Variants in GLDN observed in about 807,000 individuals in gnomAD.
GLDN encodes the protein gliomedin.
Under a neutral mutation model 56.5 loss-of-function variants are expected in GLDN, and 47 were observed. The observed-to-expected ratio is 0.83, with a 90% confidence interval of 0.66 to 1.06. The LOEUF (loss-of-function observed/expected upper bound fraction) is 1.06. Ranked by LOEUF, GLDN falls within the 50% of genes least tolerant of loss-of-function variation. The probability of loss-of-function intolerance (pLI) is 0.00; values close to 1 mark genes in which losing one functional copy is unlikely to be tolerated. For missense variants in GLDN, 782 were observed against 714.3 expected (o/e 1.09, Z -1.08); for synonymous variants, 332 against 278.8 (o/e 1.19, Z -1.90).
rs1412227116 is a variant in GLDN at position 51,397,599 on chromosome 15, G to A, written c.817+1G>A. 2.5e-6 allele frequency: 4 copies of A among 1,585,854 alleles called. No homozygotes were observed. Among genetic ancestry groups the A allele is most frequent in the Middle Eastern group, 1.7e-4 (1 of 5,970 alleles). On this transcript the variant is annotated splice_donor_variant, in intron 6 of 9. Coordinates refer to ENST00000335449, the MANE Select transcript of GLDN (RefSeq NM_181789.4). LOFTEE classifies it high-confidence loss of function. ...AGCATGTTCAACGGCCAGTGCCCAGGTCACCACCTCTCCCCTACGGGGCCC... is the reference window on the plus strand; with the variant it reads ...AGCATGTTCAACGGCCAGTGCCCAGATCACCACCTCTCCCCTACGGGGCCC...
intron 2 of GLDN, among the ~76,000 whole-genome samples, chr15:51,382,230 C>T (rs1319331385): frequency 3.3e-4 from 50 of 152,148 alleles, no homozygotes; most frequent in Non-Finnish European, 8.8e-5. Context: ...GCCCACACTT[C>T]CCCAGTACCC....
At chr15:51,400,578 T>C in intron 8 of GLDN, 80 bp downstream of exon 8, 1 of 1,440,342 alleles carries the variant, frequency 6.9e-7, no homozygotes, top group Non-Finnish European at 9.5e-7. Context: ...GCGTATTCCA[T>C]TTGTGTGTGT....
chr15:51,399,584 T>C (rs2141130173), intron 6 of GLDN, among the ~76,000 whole-genome samples: 1 of 152,296 alleles, frequency 6.6e-6, no homozygotes, highest in Admixed American at 6.5e-5. Flanking sequence ...CAAGGACCTG[T>C]GTTTCTCTAG....
intron 1 of GLDN, among the ~76,000 whole-genome samples, chr15:51,359,714 T>C (rs28845589): frequency 0.037 from 5,601 of 152,154 alleles, 342 homozygotes; most frequent in African/African-American, 0.13. Flanking sequence ...CGGTGGCTCA[T>C]GCCTGTAATC....
intron 1 of GLDN, among the ~76,000 whole-genome samples, chr15:51,353,401 A>G (rs1660055580): frequency 1.3e-5 from 2 of 152,212 alleles, no homozygotes; most frequent in Admixed American, 1.3e-4. Context: ...CTCTATCTGC[A>G]CAGCAGGCAA....
chr15:51,355,525 C>CTT (rs147021073), intron 1 of GLDN, among the ~76,000 whole-genome samples: 10 of 126,432 alleles, frequency 7.9e-5, no homozygotes, highest in South Asian at 2.8e-4. Flanking sequence ...TTCTTTCTTT[C>CTT]TTTTTTTTTT....
chr15:51,389,808 G>A (rs2037976907), intron 4 of GLDN, among the ~76,000 whole-genome samples: 1 of 152,164 alleles, frequency 6.6e-6, no homozygotes. Flanking sequence ...GGCTACCCCT[G>A]GGTACTAGTG....
At chr15:51,393,042 T>C (rs2038054827) in intron 4 of GLDN, among the ~76,000 whole-genome samples, 2 of 152,230 alleles carry the variant, frequency 1.3e-5, no homozygotes, top group Admixed American at 1.3e-4. Context: ...CCATTAAGGA[T>C]GATGTTAGCT....
At chr15:51,393,463 T>G (rs1243887172) in intron 4 of GLDN, among the ~76,000 whole-genome samples, 5 of 152,242 alleles carry the variant, frequency 3.3e-5, no homozygotes, top group African/African-American at 1.2e-4. Flanking sequence ...GACTTTTTCC[T>G]GTGTGAGCCC....
chr15:51,355,131 T>A (rs1434531769), intron 1 of GLDN, among the ~76,000 whole-genome samples: 1 of 152,160 alleles, frequency 6.6e-6, no homozygotes, highest in Admixed American at 6.5e-5. Flanking sequence ...GTCCACAGAA[T>A]AAAGTGAAAG....
At chr15:51,354,674 GGA>G (rs1465786783) in intron 1 of GLDN, among the ~76,000 whole-genome samples, 2 of 152,194 alleles carry the variant, frequency 1.3e-5, no homozygotes, top group Non-Finnish European at 2.9e-5. Flanking sequence ...TTCCTGTACT[GGA>G]GAGTTTGGAG....
chr15:51,388,483 A>C (rs1282203904), intron 4 of GLDN, among the ~76,000 whole-genome samples: 1 of 151,856 alleles, frequency 6.6e-6, no homozygotes, highest in African/African-American at 2.4e-5. Context: ...AAATTACCCC[A>C]TAGGGACTAT....
chr15:51,341,830 G>T lies in GLDN; in HGVS notation c.146G>T (p.Arg49Leu), dbSNP rs1054992101. ...CQWRGLSSAL[R>L]ALEAQRGREQ... Reference sequence around the variant, plus strand: ...TGGCGCGGGCTGAGCTCGGCGCTGCGGGCTTTGGAGGCGCAGCGGGGCCGG... The same window carrying T: ...TGGCGCGGGCTGAGCTCGGCGCTGCTGGCTTTGGAGGCGCAGCGGGGCCGG... The change falls in exon 1 of 10, where the codon CGG (arginine) becomes CTG (leucine). Residue 49 changes from arginine (R) to leucine (L), a missense_variant. By Grantham distance (102) the Arg-to-Leu change is moderately radical. Coordinates refer to ENST00000335449, the MANE Select transcript of GLDN (RefSeq NM_181789.4). The T allele has an allele frequency of 1.3e-6, 2 of 1,517,924 alleles. No homozygotes were observed. Among genetic ancestry groups the T allele is most frequent in the South Asian group, 1.2e-5 (1 of 82,492 alleles). 94.0% of individuals were successfully genotyped at this position (1,517,924 alleles called of 1,614,324 possible).
rs1316534752 is a variant in GLDN, at chr15:51,404,325, CT to C, written c.1229del (p.Leu410CysfsTer18). On this transcript the variant is annotated frameshift_variant, in exon 10 of 10. Coordinates refer to ENST00000335449, the MANE Select transcript of GLDN (RefSeq NM_181789.4). LOFTEE classifies it high-confidence loss of function. ...CCCAAACTCTGAAGCTTGAAAATGC[CT>C]TGTATTTTGATCGAAAATACCTTTT... ...TSQTLKLENALYFDRKYLFAN... is the reference protein window; with the variant it reads ...TSQTLKLENAXYFDRKYLFAN... 6.2e-7 allele frequency: 1 copy of C among 1,611,662 alleles called. No individual in the cohort carries two copies. The highest frequency in any genetic ancestry group is 8.5e-7 in the Non-Finnish European group (1 of 1,179,192).
intron 1 of GLDN, among the ~76,000 whole-genome samples, chr15:51,347,209 A>G (rs1014169375): frequency 7.3e-5 from 11 of 151,400 alleles, no homozygotes; most frequent in Non-Finnish European, 1.5e-4. Context: ...TCCAACAGGA[A>G]AATGAGACAG....
intron 6 of GLDN, among the ~76,000 whole-genome samples, chr15:51,398,747 G>A (rs898008573): frequency 7.9e-5 from 12 of 152,282 alleles, no homozygotes; most frequent in Middle Eastern, 3.4e-3. Flanking sequence ...CTGGGCTGCC[G>A]TGCAGTGCCT....
intron 4 of GLDN, among the ~76,000 whole-genome samples, chr15:51,389,086 C>A (rs2037961719): frequency 6.6e-6 from 1 of 152,196 alleles, no homozygotes; most frequent in African/African-American, 2.4e-5. Flanking sequence ...TTGCCTTTAC[C>A]CCTTACTGGC....
intron 1 of GLDN, among the ~76,000 whole-genome samples, chr15:51,351,637 C>T (rs1237395678): frequency 6.6e-6 from 1 of 152,224 alleles, no homozygotes; most frequent in African/African-American, 2.4e-5. Context: ...CTATGGCAGT[C>T]ACAGGCTCAC....
At chr15:51,394,724 T>C (rs2141121320) in intron 4 of GLDN, 111 bp from the exon 5 acceptor site, 2 of 982,488 alleles carry the variant, frequency 2.0e-6, no homozygotes, top group East Asian at 5.2e-5. Flanking sequence ...AAATGCTGTG[T>C]GTTTGGTATA....
Sources: gnomAD v4.1 joint callset for allele counts (sites outside exome capture counted in the v4.1 genomes callset) on GRCh38, gnomAD v4.1.1 for gene constraint, MANE v1.5 for transcripts, NCBI Gene and HGNC (gene_info 2026-07-23, HGNC 2026-07-21) for gene names.